The following GLB1 variants were observed in gnomAD, a reference collection of about 807,000 sequenced individuals.
The protein encoded by GLB1 is beta-galactosidase.
Under a neutral mutation model 74.0 loss-of-function variants are expected in GLB1, and 56 were observed. The ratio of observed to expected loss-of-function variants is 0.76; its 90% CI spans 0.61 to 0.94. GLB1 has a LOEUF of 0.94. GLB1 is among the 40% of genes least tolerant of loss of function. GLB1 has a pLI of 0.00. For missense variants in GLB1, 787 were observed against 845.5 expected (o/e 0.93, Z 0.86); for synonymous variants, 323 against 323.6 (o/e 1.00, Z 0.02).
At chr3:32,995,272 A>G (rs970419965), downstream of GLB1, among the ~76,000 whole-genome samples, 3 of 152,028 alleles carry the variant, frequency 2.0e-5, no homozygotes, top group Admixed American at 6.6e-5. Flanking sequence ...ACTGCAATTC[A>G]CCAATGTACA....
chr3:33,083,319 C>G (rs574813305), intron 1 of GLB1, among the ~76,000 whole-genome samples: 96 of 149,014 alleles, frequency 6.4e-4, no homozygotes, highest in African/African-American at 2.3e-3. Flanking sequence ...ATCCCTTGAA[C>G]CTGGGAGGCA....
rs35553546 is a variant in GLB1, at chr3:33,064,441, T to TAAAAAA, written c.552+1016_552+1021dup. ...GGCGACAGAGCGAGACTCTGTCTCC[T>TAAAAAA]AAAAAAAAAAACAAAAAACCTTTAC... is the stretch of plus-strand genomic sequence containing the variant. On this transcript the variant is annotated intron_variant, in intron 5 of 15. Coordinates refer to ENST00000307363, the MANE Select transcript of GLB1 (RefSeq NM_000404.4). Among the ~76,000 whole-genome samples, 24 of 108,756 alleles carry TAAAAAA rather than the reference T, an allele frequency of 2.2e-4. 2 individuals carry two copies. The highest frequency in any genetic ancestry group is 7.5e-3 in the Middle Eastern group (1 of 134). 71.3% of individuals were successfully genotyped at this position (108,756 alleles called of 152,430 possible).
intron 1 of GLB1, among the ~76,000 whole-genome samples, chr3:33,087,593 A>ATG (rs1559419401): frequency 1.6e-5 from 2 of 126,026 alleles, no homozygotes; most frequent in East Asian, 2.1e-4. Context: ...ACACACACAC[A>ATG]CACACACACA....
chr3:33,096,171 C>T (rs1559425412), intron 1 of GLB1, among the ~76,000 whole-genome samples: 1 of 152,132 alleles, frequency 6.6e-6, no homozygotes, highest in Non-Finnish European at 1.5e-5. Context: ...AGTTGGTCCG[C>T]GGAACGTGCA....
chr3:33,087,495 G>A (rs1447027743), intron 1 of GLB1, among the ~76,000 whole-genome samples: 6 of 151,876 alleles, frequency 4.0e-5, no homozygotes, highest in Admixed American at 6.6e-5. Context: ...GCTTGAACCT[G>A]GGAGGTGGAG....
chr3:33,080,516 G>A (rs553054928), intron 1 of GLB1, among the ~76,000 whole-genome samples: 25 of 152,346 alleles, frequency 1.6e-4, no homozygotes, highest in Admixed American at 1.6e-3. Flanking sequence ...CCAACACTGG[G>A]GGAATGGGTT....
chr3:33,068,967 A>C lies in GLB1; in HGVS notation c.249T>G (p.Tyr83Ter), dbSNP rs1157128096. Residue 83 changes from tyrosine to a stop codon, truncating the protein, a stop_gained, in exon 3 of 16, where the codon TAT (tyrosine) becomes TAG (stop). Transcript: ENST00000307363. LOFTEE classifies it high-confidence loss of function. ...AGGGCTCATGAAAGTTCCAGGGCAC[A>C]TACCTGCCAAGACACACACAGCCCC... ...KMAGLNAIQTYVPWNFHEPWP... is the reference protein window; with the variant it reads ...KMAGLNAIQT 6.2e-7 allele frequency: 1 copy of C among 1,614,220 alleles called. No individual in the cohort carries two copies. The highest frequency in any genetic ancestry group is 1.3e-5 in the African/African-American group (1 of 75,074).
At chr3:33,053,752 C>T (rs1016052131) in intron 6 of GLB1, among the ~76,000 whole-genome samples, 1 of 152,236 alleles carries the variant, frequency 6.6e-6, no homozygotes, top group African/African-American at 2.4e-5. Context: ...GTCATAAGGG[C>T]TCCACCTTCA....
At chr3:33,078,869 G>A (rs921565090) in intron 1 of GLB1, among the ~76,000 whole-genome samples, 1 of 151,784 alleles carries the variant, frequency 6.6e-6, no homozygotes, top group Non-Finnish European at 1.5e-5. Context: ...TTGGATACAG[G>A]GTCTTGCTCC....
chr3:33,034,568 T>G (rs1272901919), intron 10 of GLB1: 2 of 722,248 alleles, frequency 2.8e-6, no homozygotes, highest in African/African-American at 3.4e-5. Flanking sequence ...TGTGTTCATC[T>G]GGACCTGTGA....
At chr3:33,089,415 TCCA>T (rs2125579423) in intron 1 of GLB1, among the ~76,000 whole-genome samples, 1 of 152,222 alleles carries the variant, frequency 6.6e-6, no homozygotes, top group South Asian at 2.1e-4. Context: ...CTCCTACATC[TCCA>T]CAACAATAAA....
chr3:33,011,668 A>C (rs540001948), intron 15 of GLB1, among the ~76,000 whole-genome samples: 72 of 151,010 alleles, frequency 4.8e-4, no homozygotes, highest in African/African-American at 1.6e-3. Context: ...AAAATATTTC[A>C]AACAGAATAA....
chr3:33,064,086 T>A lies in GLB1; in HGVS notation c.552+1377A>T, dbSNP rs531796385. On this transcript the variant is annotated intron_variant, in intron 5 of 15. Coordinates refer to ENST00000307363, the MANE Select transcript of GLB1 (RefSeq NM_000404.4). ...CTCCCCTAGGGAGTGCCACTTTGCATCCCTGGGATGTCCAGGATGCAGCCA... is the reference window on the plus strand; with the variant it reads ...CTCCCCTAGGGAGTGCCACTTTGCAACCCTGGGATGTCCAGGATGCAGCCA... 2.0e-5 allele frequency among the ~76,000 whole-genome samples: 3 copies of A among 152,264 alleles called. No individual in the cohort carries two copies. In the East Asian group the frequency reaches 5.8e-4, roughly 29 times the overall value.
At chr3:33,036,157 G>C (rs1575434364) in intron 10 of GLB1, among the ~76,000 whole-genome samples, 2 of 152,158 alleles carry the variant, frequency 1.3e-5, no homozygotes, top group South Asian at 4.1e-4. Flanking sequence ...TCCAGAGTGT[G>C]ACAGTCAGAA....
chr3:33,080,092 G>GTT (rs1377472396), intron 1 of GLB1, among the ~76,000 whole-genome samples: 1 of 137,850 alleles, frequency 7.3e-6, no homozygotes, highest in Non-Finnish European at 1.5e-5. Context: ...CCTGAAAACT[G>GTT]TTTTTTTTTG....
intron 1 of GLB1, among the ~76,000 whole-genome samples, chr3:33,073,829 C>T (rs746881576): frequency 1.3e-5 from 2 of 151,940 alleles, no homozygotes; most frequent in African/African-American, 4.8e-5. Context: ...GGCAATTCAG[C>T]GAGGCCTCGT....
the GLB1 span, among the ~76,000 whole-genome samples, chr3:32,985,047 G>A: frequency 6.7e-6 from 1 of 148,804 alleles, no homozygotes; most frequent in Non-Finnish European, 1.5e-5. Context: ...TGAGGCTGCA[G>A]TGAGCTGTGT....
chr3:33,026,688 A>C (rs1697775031), intron 10 of GLB1, among the ~76,000 whole-genome samples: 1 of 152,168 alleles, frequency 6.6e-6, no homozygotes. Context: ...TGGCTCAGCA[A>C]GACCAGAAGA....
At chr3:33,029,801 G>A (rs536263448) in intron 10 of GLB1, among the ~76,000 whole-genome samples, 2 of 152,176 alleles carry the variant, frequency 1.3e-5, no homozygotes, top group South Asian at 4.1e-4. Context: ...CCTACTTGAG[G>A]GTGGTAGGTA....
Sources: gnomAD v4.1 joint callset for allele counts (sites outside exome capture counted in the v4.1 genomes callset) on GRCh38, gnomAD v4.1.1 for gene constraint, MANE v1.5 for transcripts, NCBI Gene and HGNC (gene_info 2026-07-23, HGNC 2026-07-21) for gene names.